TRHDE: variants seen among roughly 807,000 people sequenced by gnomAD.
TRHDE encodes thyrotropin-releasing hormone-degrading ectoenzyme.
In TRHDE, 72 loss-of-function variants were observed where a neutral mutation model predicts 125.7. The ratio of observed to expected loss-of-function variants is 0.57; its 90% CI spans 0.47 to 0.70. The LOEUF is 0.70. Ranked by LOEUF, TRHDE falls within the 30% of genes least tolerant of loss-of-function variation. The probability of loss-of-function intolerance (pLI) is 0.00; values close to 1 mark genes in which losing one functional copy is unlikely to be tolerated. For synonymous variants in TRHDE, 509 were observed against 509.1 expected, an observed-to-expected ratio of 1.00 and a Z score of 0.00; for missense variants, 1,110 against 1,327.1, an observed-to-expected ratio of 0.84 and a Z score of 2.54.
At chr12:72,168,812 C>A (rs7973912) in intron 2 of TRHDE, among the ~76,000 whole-genome samples, 1 of 151,874 alleles carries the variant, frequency 6.6e-6, no homozygotes, top group African/African-American at 2.4e-5. Context: ...TAATTTAGTC[C>A]AAATGTAGAC....
chr12:72,284,246 A>G (rs1055359772), intron 1 of TRHDE, among the ~76,000 whole-genome samples: 4 of 152,174 alleles, frequency 2.6e-5, no homozygotes, highest in African/African-American at 9.6e-5. Context: ...CTCAACCTGT[A>G]TAGCATAAAG....
intron 3 of TRHDE, among the ~76,000 whole-genome samples, chr12:72,435,921 G>T (rs375640573): frequency 6.6e-6 from 1 of 151,826 alleles, no homozygotes; most frequent in Non-Finnish European, 1.5e-5. Context: ...GCAAAAAAAA[G>T]TATAAATGAT....
intron 2 of TRHDE, among the ~76,000 whole-genome samples, chr12:72,143,879 G>A (rs991201200): frequency 3.9e-5 from 6 of 152,120 alleles, no homozygotes; most frequent in Non-Finnish European, 7.4e-5. Flanking sequence ...CCCCAAATAC[G>A]TTTCAAGTGT....
At chr12:72,299,695 T>C (rs969250758) in intron 2 of TRHDE, among the ~76,000 whole-genome samples, 2 of 152,172 alleles carry the variant, frequency 1.3e-5, no homozygotes, top group Non-Finnish European at 2.9e-5. Context: ...AATTTCTAAA[T>C]TTTCTGATTA....
intron 5 of TRHDE, among the ~76,000 whole-genome samples, chr12:72,494,407 A>G (rs626266): frequency 0.53 from 79,959 of 151,806 alleles, 25,445 homozygotes; most frequent in South Asian, 0.74. Flanking sequence ...CTTGGCTCTT[A>G]TCTTCCTTGT....
At chr12:72,508,884 C>A (rs1158052718) in intron 6 of TRHDE, among the ~76,000 whole-genome samples, 1 of 151,990 alleles carries the variant, frequency 6.6e-6, no homozygotes, top group Non-Finnish European at 1.5e-5. Flanking sequence ...TGTGTAGCAC[C>A]TCCCCCTGCT....
chr12:72,501,263 T>G (rs1353225419), intron 6 of TRHDE, among the ~76,000 whole-genome samples: 1 of 152,142 alleles, frequency 6.6e-6, no homozygotes, highest in Non-Finnish European at 1.5e-5. Context: ...CAAACCCTTG[T>G]GCTGTTCCTA....
At chr12:72,384,337 A>T (rs1378245413) in intron 3 of TRHDE, among the ~76,000 whole-genome samples, 1 of 152,178 alleles carries the variant, frequency 6.6e-6, no homozygotes, top group Non-Finnish European at 1.5e-5. Context: ...GGTGTTTTGT[A>T]ACTAGAATTT....
intron 6 of TRHDE, among the ~76,000 whole-genome samples, chr12:72,520,508 G>T (rs548871770): frequency 6.7e-6 from 1 of 149,620 alleles, no homozygotes; most frequent in Admixed American, 7.6e-5. Flanking sequence ...GCTTGCGCAC[G>T]GTGCGCGCAC....
chr12:72,572,259 T>G (rs1870782057), intron 10 of TRHDE, among the ~76,000 whole-genome samples: 1 of 152,140 alleles, frequency 6.6e-6, no homozygotes, highest in Non-Finnish European at 1.5e-5. Flanking sequence ...TGCATAGAGA[T>G]ACCTAATCTC....
intron 3 of TRHDE, among the ~76,000 whole-genome samples, chr12:72,391,974 C>T (rs936844165): frequency 2.0e-5 from 3 of 152,052 alleles, no homozygotes; most frequent in African/African-American, 7.2e-5. Context: ...CAAATTAGGT[C>T]ATTAACATGG....
intron 9 of TRHDE, 29 bp from the exon 10 acceptor site, chr12:72,568,539 A>G: frequency 6.5e-7 from 1 of 1,532,096 alleles, no homozygotes. Flanking sequence ...AGTTATTTTT[A>G]TTCTTAAAGC....
chr12:72,562,597 A>G (rs1177447105), intron 8 of TRHDE, among the ~76,000 whole-genome samples: 1 of 151,960 alleles, frequency 6.6e-6, no homozygotes, highest in Non-Finnish European at 1.5e-5. Flanking sequence ...TGCTTCAGGG[A>G]TTTGCTTTAA....
At chr12:72,451,538 T>C (rs1246989879) in intron 3 of TRHDE, among the ~76,000 whole-genome samples, 1 of 152,156 alleles carries the variant, frequency 6.6e-6, no homozygotes, top group African/African-American at 2.4e-5. Flanking sequence ...CTTTATAGTA[T>C]GTTTTCAATT....
intron 2 of TRHDE, among the ~76,000 whole-genome samples, chr12:72,159,652 G>A (rs983229794): frequency 6.6e-6 from 1 of 152,122 alleles, no homozygotes. Flanking sequence ...TTTTCTTCAG[G>A]CATGCCAACT....
At chr12:72,224,086 CTATCCATCT>C (rs1565666539) in intron 2 of TRHDE, among the ~76,000 whole-genome samples, 501 of 40,666 alleles carry the variant, frequency 0.012, 4 homozygotes, top group African/African-American at 0.052. Context: ...ATCCATCTAT[CTATCCATCT>C]ATCTATCTAT....
intron 5 of TRHDE, among the ~76,000 whole-genome samples, chr12:72,485,217 T>A (rs1877348096): frequency 6.6e-6 from 1 of 152,090 alleles, no homozygotes; most frequent in East Asian, 1.9e-4. Context: ...TCCCCATGGC[T>A]CAAGTTGCTA....
intron 2 of TRHDE, among the ~76,000 whole-genome samples, chr12:72,159,507 T>A (rs12230576): frequency 0.039 from 5,937 of 152,312 alleles, 216 homozygotes; most frequent in South Asian, 0.11. Flanking sequence ...TTAGCAGTTT[T>A]GTATTTGTTA....
At chr12:72,547,580 A>G (rs1869480699) in intron 7 of TRHDE, among the ~76,000 whole-genome samples, 1 of 151,828 alleles carries the variant, frequency 6.6e-6, no homozygotes, top group Non-Finnish European at 1.5e-5. Flanking sequence ...CATAATCACA[A>G]CTGTAGGATC....
Sources: gnomAD v4.1 joint callset for allele counts (sites outside exome capture counted in the v4.1 genomes callset) on GRCh38, gnomAD v4.1.1 for gene constraint, MANE v1.5 for transcripts, NCBI Gene and HGNC (gene_info 2026-07-23, HGNC 2026-07-21) for gene names.